Variants in NLRC5 observed in about 807,000 individuals in gnomAD.
NLRC5 encodes NLR family CARD domain containing 5, also known as protein NLRC5.
In NLRC5, 114 loss-of-function variants were observed where a neutral mutation model predicts 206.9. The ratio of observed to expected loss-of-function variants is 0.55; its 90% CI spans 0.47 to 0.64. NLRC5 has a LOEUF of 0.64. Among genes scored for constraint, NLRC5 ranks in the 30% least tolerant of loss-of-function variants. The pLI is 0.00. For synonymous variants in NLRC5, 952 were observed against 962.8 expected, an observed-to-expected ratio of 0.99 and a Z score of 0.21; for missense variants, 2,008 against 2,305.5, an observed-to-expected ratio of 0.87 and a Z score of 2.64.
chr16:57,079,175 G>A (rs779148009), intron 44 of NLRC5, 42 bp downstream of exon 44: 4 of 1,613,840 alleles, frequency 2.5e-6, no homozygotes, highest in Non-Finnish European at 3.4e-6. Flanking sequence ...GACAGTCCTG[G>A]GCGGGTCTGG....
Position 57,065,241 on chromosome 16 carries a change from G to C in NLRC5, c.4184G>C (p.Arg1395Thr), listed in dbSNP as rs369468578. The C allele has an allele frequency of 1.8e-5, 28 of 1,581,644 alleles. No homozygotes were observed. The African/African-American group carries it at 3.8e-4, about 22-fold the overall frequency. The stretch of plus-strand genomic sequence containing the variant: ...CAGGAGCCGTGGGCGGACAGAGCCA[G>C]GGTTCTCTCCCTGTTAGAAGTCTGC... ...RVQEPWADRA[R>T]VLSLLEVCAQ... Residue 1395 changes from arginine (R) to threonine (T), a missense_variant, in exon 33 of 49, where the codon AGG becomes ACG. Arg to Thr is a moderately conservative substitution (Grantham distance 71). Coordinates refer to ENST00000688547, the MANE Select transcript of NLRC5 (RefSeq NM_001384950.1).
intron 1 of NLRC5, among the ~76,000 whole-genome samples, chr16:57,009,706 A>G (rs2059297598): frequency 6.6e-6 from 1 of 152,232 alleles, no homozygotes; most frequent in Non-Finnish European, 1.5e-5. Flanking sequence ...TCATTTTTAA[A>G]AAGCCAAAAA....
chr16:57,077,584 TTGTC>T (rs1469132638), intron 41 of NLRC5, 131 bp from the exon 42 acceptor site: 11 of 983,202 alleles, frequency 1.1e-5, no homozygotes, highest in African/African-American at 1.6e-5. Context: ...TTCTGCCTCA[TTGTC>T]TGGGTAGGTG....
At chr16:57,057,477 A>G (rs1391822019) in intron 27 of NLRC5, among the ~76,000 whole-genome samples, 1 of 152,244 alleles carries the variant, frequency 6.6e-6, no homozygotes, top group African/African-American at 2.4e-5. Context: ...GAAGTAAGAA[A>G]CTTCAGGTGA....
chr16:57,013,454 A>G, intron 1 of NLRC5: 1 of 683,794 alleles, frequency 1.5e-6, no homozygotes, highest in Non-Finnish European at 2.7e-6. Context: ...TGAAGGAAAT[A>G]AAAGCTGTCC....
At chr16:57,006,087 C>A (rs772425241) in intron 1 of NLRC5, among the ~76,000 whole-genome samples, 7 of 151,110 alleles carry the variant, frequency 4.6e-5, no homozygotes, top group Non-Finnish European at 1.0e-4. Context: ...AGCCTGGATA[C>A]CCCCAGGCTC....
chr16:57,067,615 G>A lies in NLRC5; in HGVS notation c.4407-121G>A, dbSNP rs1479750968. On this transcript the variant is annotated intron_variant, in intron 35 of 48. Transcript: ENST00000688547. Reference sequence around the variant, plus strand: ...CCAGTGGAGGGGAGGGAGAGCCCCAGGGTGGCTCAGGGGAGCTCTTGGGTG... The same window carrying A: ...CCAGTGGAGGGGAGGGAGAGCCCCAAGGTGGCTCAGGGGAGCTCTTGGGTG... 9 of 1,313,502 alleles carry A rather than the reference G, an allele frequency of 6.9e-6. No homozygotes were observed. In the African/African-American group the frequency reaches 1.3e-4, roughly 19 times the overall value. 81.4% of individuals were successfully genotyped at this position (1,313,502 alleles called of 1,614,324 possible). A position where few individuals can be genotyped will look rare whatever the true frequency, so the allele number is the denominator to read the frequency against.
At chr16:57,022,011 T>C (rs1174391747) in intron 3 of NLRC5, among the ~76,000 whole-genome samples, 1 of 152,224 alleles carries the variant, frequency 6.6e-6, no homozygotes, top group Non-Finnish European at 1.5e-5. Context: ...GCATAACACA[T>C]GCATGCCTGT....
chr16:57,046,323 C>T (rs1421542301), intron 21 of NLRC5, among the ~76,000 whole-genome samples: 1 of 152,198 alleles, frequency 6.6e-6, no homozygotes, highest in Non-Finnish European at 1.5e-5. Flanking sequence ...TCAGGCTTCC[C>T]TTCCCTGAGC....
At chr16:57,058,948 T>G (rs1384993966) in intron 28 of NLRC5, 24 bp from the exon 29 acceptor site, 2 of 1,606,534 alleles carry the variant, frequency 1.2e-6, no homozygotes, top group African/African-American at 1.3e-5. Flanking sequence ...CTCACTCCCA[T>G]TCTCATCTCC....
rs144498415 is a variant in NLRC5 at position 57,003,205 on chromosome 16, C to A, written c.-128+13588C>A. ...CTGGGATTACAGGCGCCTGCCACCA[C>A]GCCTGGCTAATTTTTTTTATTTTAA... is the stretch of plus-strand genomic sequence containing the variant. On this transcript the variant is annotated intron_variant, in intron 1 of 48. Coordinates refer to ENST00000688547, the MANE Select transcript of NLRC5 (RefSeq NM_001384950.1). Among the ~76,000 whole-genome samples, 1,395 of 152,182 alleles carry A rather than the reference C, an allele frequency of 9.2e-3. 13 individuals carry two copies. Among genetic ancestry groups the A allele is most frequent in the African/African-American group, 0.032 (1,321 of 41,514 alleles).
chr16:57,004,979 G>T (rs1274914672), intron 1 of NLRC5, among the ~76,000 whole-genome samples: 1 of 152,204 alleles, frequency 6.6e-6, no homozygotes, highest in Admixed American at 6.5e-5. Context: ...GCAACTCCAC[G>T]TGTCTGGATT....
At chr16:56,999,139 A>AG (rs2057968259) in intron 1 of NLRC5, among the ~76,000 whole-genome samples, 1 of 152,200 alleles carries the variant, frequency 6.6e-6, no homozygotes, top group African/African-American at 2.4e-5. Flanking sequence ...CTCTTTTATA[A>AG]GGGCATCAAT....
At chr16:57,081,430 C>A in intron 47 of NLRC5, 97 bp from the exon 48 acceptor site, 1 of 1,167,424 alleles carries the variant, frequency 8.6e-7, no homozygotes, top group Non-Finnish European at 1.3e-6. Context: ...GAGACTGTGT[C>A]CCCTGACCTT....
chr16:57,074,544 G>T, intron 38 of NLRC5, 56 bp from the exon 39 acceptor site: 2 of 1,518,724 alleles, frequency 1.3e-6, no homozygotes, highest in South Asian at 2.2e-5. Flanking sequence ...CAGACCCCCA[G>T]ACTGGACAGT....
chr16:57,030,438 A>ATGGATGGATG (rs2061702843), intron 10 of NLRC5, among the ~76,000 whole-genome samples: 1 of 89,542 alleles, frequency 1.1e-5, no homozygotes, highest in Non-Finnish European at 2.3e-5. Flanking sequence ...GTGGATGAAA[A>ATGGATGGATG]GATGGATGGA....
Position 57,026,225 on chromosome 16 carries a change from T to C in NLRC5, c.1282T>C (p.Ser428Pro). ...GCTTCCTGACCACGCCCCAGGCCAG[T>C]CTGTGGCCCTCCTGCCCAACATGAC... ...HLLPDHAPGQ[S>P]VALLPNMTQL... The change falls in exon 6 of 49, where the codon TCT becomes CCT. Residue 428 changes from serine to proline, a missense_variant. Transcript: ENST00000688547. The C allele has an allele frequency of 6.2e-7, 1 of 1,613,748 alleles. No individual in the cohort carries two copies. Among genetic ancestry groups the C allele is most frequent in the Non-Finnish European group, 8.5e-7 (1 of 1,180,024 alleles).
Position 57,042,051 on chromosome 16 carries a change from T to C in NLRC5, c.3099T>C (p.Ala1033=). The part of the protein sequence containing the change: ...RLAQLLPGLG[A]LQSLNLSENG... ...CTCAGCTGCTCCCAGGGCTGGGAGCTCTGCAGTCCTTGAAGTGAGTAGCCC... is the reference window on the plus strand; with the variant it reads ...CTCAGCTGCTCCCAGGGCTGGGAGCCCTGCAGTCCTTGAAGTGAGTAGCCC... The change falls in exon 19 of 49, where the codon GCT becomes GCC. Residue 1033 remains alanine, a synonymous_variant. Transcript: ENST00000688547. 1.3e-6 allele frequency: 2 copies of C among 1,560,596 alleles called. No individual in the cohort carries two copies. The highest frequency in any genetic ancestry group is 1.7e-6 in the Non-Finnish European group (2 of 1,156,834).
chr16:57,031,023 C>T lies in NLRC5; in HGVS notation c.2418-381C>T, dbSNP rs141692936. Among the ~76,000 whole-genome samples, 28 of 151,890 alleles carry T rather than the reference C, an allele frequency of 1.8e-4. No individual in the cohort carries two copies. The East Asian group carries it at 4.7e-3, about 25-fold the overall frequency. ...GCTGAGGTGGGAAGATTGCTTGAGCCGTGGAGGTTGAGGCTGCAGTGAGGT... is the reference window on the plus strand; with the variant it reads ...GCTGAGGTGGGAAGATTGCTTGAGCTGTGGAGGTTGAGGCTGCAGTGAGGT... On this transcript the variant is annotated intron_variant, in intron 10 of 48. Coordinates refer to ENST00000688547, the MANE Select transcript of NLRC5 (RefSeq NM_001384950.1).
Sources: gnomAD v4.1 joint callset for allele counts (sites outside exome capture counted in the v4.1 genomes callset) on GRCh38, gnomAD v4.1.1 for gene constraint, MANE v1.5 for transcripts, NCBI Gene and HGNC (gene_info 2026-07-23, HGNC 2026-07-21) for gene names.